MDC1: variants seen among roughly 807,000 people sequenced by gnomAD.
The protein encoded by MDC1 is mediator of DNA damage checkpoint protein 1.
In MDC1, 81 loss-of-function variants were observed where a neutral mutation model predicts 142.5. That is an observed-to-expected ratio of 0.57 (90% CI 0.47 to 0.68). The LOEUF (loss-of-function observed/expected upper bound fraction) is 0.68, where lower values mean the gene tolerates loss of function less well. Among genes scored for constraint, MDC1 ranks in the 30% least tolerant of loss-of-function variants. The probability of loss-of-function intolerance (pLI) is 0.00; values close to 1 mark genes in which losing one functional copy is unlikely to be tolerated. For missense variants in MDC1, 2,119 were observed against 2,547.9 expected (o/e 0.83, Z 3.62); for synonymous variants, 797 against 968.4 (o/e 0.82, Z 3.29).
chr6:30,703,411 C>T lies in MDC1; in HGVS notation c.5682+7G>A, dbSNP rs1463208791. ...CTCCCACAAAGTCCCATGCCTTTGT[C>T]TCTTACTTTGGGGGCTGTTGATTCT... On this transcript the variant is annotated splice_region_variant and intron_variant, in intron 11 of 14. Transcript: ENST00000376406. The surrounding 1 kb of genome is among the most constrained non-coding windows in gnomAD (Gnocchi z 4.4). The T allele has an allele frequency of 6.2e-7, 1 of 1,613,774 alleles. No individual in the cohort carries two copies. Among genetic ancestry groups the T allele is most frequent in the Non-Finnish European group, 8.5e-7 (1 of 1,180,030 alleles).
chr6:30,715,145 C>G lies in MDC1; in HGVS notation c.31G>C (p.Val11Leu). Residue 11 changes from valine (V) to leucine (L), a missense_variant, in exon 2 of 15, where the codon GTT becomes CTT. By Grantham distance (32) the Val-to-Leu change is conservative. Coordinates refer to ENST00000376406, the MANE Select transcript of MDC1 (RefSeq NM_014641.3). This position sits in a 1 kb window ranked among gnomAD's most constrained non-coding sequence, Gnocchi z 4.1. ...TGCTCTGTCTCCTCCTCTTCTTCAA[C>G]ATCCCAGTCAATAGCCTGGGTGTCC... is the stretch of plus-strand genomic sequence containing the variant. MEDTQAIDWDVEEEEETEQSS... is the reference protein window; with the variant it reads MEDTQAIDWDLEEEEETEQSS... The G allele has an allele frequency of 6.2e-7, 1 of 1,614,234 alleles. No homozygotes were observed. Among genetic ancestry groups the G allele is most frequent in the Non-Finnish European group, 8.5e-7 (1 of 1,180,036 alleles).
Position 30,713,460 on chromosome 6 carries a change from C to T in MDC1, c.588-106G>A, listed in dbSNP as rs140711974. On this transcript the variant is annotated intron_variant, in intron 4 of 14. Coordinates refer to ENST00000376406, the MANE Select transcript of MDC1 (RefSeq NM_014641.3). The surrounding 1 kb of genome is among the most constrained non-coding windows in gnomAD (Gnocchi z 4.9). Reference sequence around the variant, plus strand: ...GGAGACACAAGGTAGCATATTTCTTCTTCTGTTTCCAATTTGTTTTCCACT... The same window carrying T: ...GGAGACACAAGGTAGCATATTTCTTTTTCTGTTTCCAATTTGTTTTCCACT... The T allele has an allele frequency of 9.6e-3, 13,053 of 1,353,436 alleles. 95 individuals carry two copies. Among genetic ancestry groups the T allele is most frequent in the Middle Eastern group, 0.032 (121 of 3,728 alleles). 83.8% of individuals were successfully genotyped at this position (1,353,436 alleles called of 1,614,324 possible).
chr6:30,712,987 C>G lies in MDC1; in HGVS notation c.955G>C (p.Glu319Gln), dbSNP rs779809615. The change falls in exon 5 of 15, where the codon GAA becomes CAA. Residue 319 changes from glutamate (E) to glutamine (Q), a missense_variant. Coordinates refer to ENST00000376406, the MANE Select transcript of MDC1 (RefSeq NM_014641.3). The surrounding 1 kb of genome is among the most constrained non-coding windows in gnomAD (Gnocchi z 4.7). ...PPGRPAEVHL[E>Q]RAQPFGFIDS... Reference sequence around the variant, plus strand: ...ATGAAGCCAAAAGGCTGAGCCCTTTCCAAATGGACCTCAGCTGGCCTTCCA... The same window carrying G: ...ATGAAGCCAAAAGGCTGAGCCCTTTGCAAATGGACCTCAGCTGGCCTTCCA... The G allele has an allele frequency of 6.2e-7, 1 of 1,612,946 alleles. No homozygotes were observed. Among genetic ancestry groups the G allele is most frequent in the Non-Finnish European group, 8.5e-7 (1 of 1,179,916 alleles).
rs1775329532 is a variant in MDC1 at position 30,714,172 on chromosome 6, G to A, written c.148C>T (p.His50Tyr). ...CGGCCTACCACATTCTTCCCGAGGT[G>A]TAGTGGGAAATCTAAGAATTAGAGA... Reference protein sequence around the residue: ...AHGPEKDFPLHLGKNVVGRMP... With the variant: ...AHGPEKDFPLYLGKNVVGRMP... Residue 50 changes from histidine to tyrosine, a missense_variant, in exon 3 of 15, where the codon CAC (histidine) becomes TAC (tyrosine). By Grantham distance (83) the His-to-Tyr change is moderately conservative (BLOSUM62 2). Transcript: ENST00000376406. 1 of 1,607,742 alleles carries A rather than the reference G, an allele frequency of 6.2e-7. No homozygotes were observed. The highest frequency in any genetic ancestry group is 8.5e-7 in the Non-Finnish European group (1 of 1,179,338).
chr6:30,700,268 A>G lies in MDC1; in HGVS notation c.*197T>C, dbSNP rs534317758. 8.5e-6 allele frequency: 4 copies of G among 472,262 alleles called. No individual in the cohort carries two copies. The highest frequency in any genetic ancestry group is 1.4e-5 in the Non-Finnish European group (4 of 277,532). The allele number at this position is 472,262 out of a possible 1,614,324, so 29.3% of individuals were successfully genotyped here. A position where few individuals can be genotyped will look rare whatever the true frequency, so the allele number is the denominator to read the frequency against. The stretch of plus-strand genomic sequence containing the variant: ...CAAATAAAATAAAATGGCCATTAAA[A>G]AAACAAACAAACAAACAAAAAACAA... On this transcript the variant is annotated 3_prime_UTR_variant, in exon 15 of 15. Transcript: ENST00000376406.
rs201740735 is a variant in MDC1 at position 30,707,629 on chromosome 6, C to T, written c.2950G>A (p.Val984Ile). 139 of 1,612,978 alleles carry T rather than the reference C, an allele frequency of 8.6e-5. No individual in the cohort carries two copies. The highest frequency in any genetic ancestry group is 1.1e-4 in the Non-Finnish European group (126 of 1,179,968). The change falls in exon 8 of 15, where the codon GTA becomes ATA. Residue 984 changes from valine (V) to isoleucine (I), a missense_variant. Val to Ile is a conservative substitution (Grantham distance 29). Coordinates refer to ENST00000376406, the MANE Select transcript of MDC1 (RefSeq NM_014641.3). ...GDLPGPTSAPVPSGSQSGGRG... is the reference protein window; with the variant it reads ...GDLPGPTSAPIPSGSQSGGRG... ...CCACCTGACTGGCTCCCAGAAGGTA[C>T]GGGGGCTGAGGTAGGTCCCGGAAGG... is the stretch of plus-strand genomic sequence containing the variant.
At chr6:30,714,456 C>T (rs1775377864) in intron 2 of MDC1, among the ~76,000 whole-genome samples, 1 of 151,776 alleles carries the variant, frequency 6.6e-6, no homozygotes, top group African/African-American at 2.4e-5. Context: ...TGCATTCACA[C>T]TGTTGTGCAA....
chr6:30,713,578 G>C lies in MDC1; in HGVS notation c.587+70C>G, dbSNP rs1775233944. 1 of 1,483,158 alleles carries C rather than the reference G, an allele frequency of 6.7e-7. No individual in the cohort carries two copies. Among genetic ancestry groups the C allele is most frequent in the African/African-American group, 1.4e-5 (1 of 71,322 alleles). 91.9% of individuals were successfully genotyped at this position (1,483,158 alleles called of 1,614,324 possible). A position where few individuals can be genotyped will look rare whatever the true frequency, so the allele number is the denominator to read the frequency against. On this transcript the variant is annotated intron_variant, in intron 4 of 14. Transcript: ENST00000376406. The surrounding 1 kb of genome is among the most constrained non-coding windows in gnomAD (Gnocchi z 4.9). ...ACTCTCATGATAATCATCTCTTTTA[G>C]AGATTGATCCTCCAGCCCCTGGTTC...
Position 30,712,476 on chromosome 6 carries a change from T to C in MDC1, c.1466A>G (p.Gln489Arg). Reference protein sequence around the residue: ...ALVRAHSEKDQPPFGDSDDSV... With the variant: ...ALVRAHSEKDRPPFGDSDDSV... ...GTCATCACTGTCCCCAAAAGGAGGT[T>C]GGTCCTTTTCTGAATGTGCTCTAAC... is the stretch of plus-strand genomic sequence containing the variant. The change falls in exon 5 of 15, where the codon CAA (glutamine) becomes CGA (arginine). Residue 489 changes from glutamine (Q) to arginine (R), a missense_variant. By Grantham distance (43) the Gln-to-Arg change is conservative (BLOSUM62 1). Transcript: ENST00000376406. The surrounding 1 kb of genome is among the most constrained non-coding windows in gnomAD (Gnocchi z 4.7). 1 of 1,613,060 alleles carries C rather than the reference T, an allele frequency of 6.2e-7. No individual in the cohort carries two copies. Among genetic ancestry groups the C allele is most frequent in the Non-Finnish European group, 8.5e-7 (1 of 1,180,022 alleles).
Position 30,700,638 on chromosome 6 carries a change from G to A in MDC1, c.6103-6C>T. The stretch of plus-strand genomic sequence containing the variant: ...GTGATCACAACTCTCTGAGGCTGGG[G>A]AAGACAGAGCAAAGGCAAAATCAGG... On this transcript the variant is annotated splice_polypyrimidine_tract_variant and splice_region_variant and intron_variant, in intron 14 of 14. Transcript: ENST00000376406. The A allele has an allele frequency of 6.2e-7, 1 of 1,612,734 alleles. No individual in the cohort carries two copies. Among genetic ancestry groups the A allele is most frequent in the Non-Finnish European group, 8.5e-7 (1 of 1,179,802 alleles).
chr6:30,715,951 C>T lies in MDC1; in HGVS notation c.-3-773G>A, dbSNP rs561314665. Among the ~76,000 whole-genome samples, 2 of 152,232 alleles carry T rather than the reference C, an allele frequency of 1.3e-5. No individual in the cohort carries two copies. The highest frequency in any genetic ancestry group is 2.4e-5 in the African/African-American group (1 of 41,542). On this transcript the variant is annotated intron_variant, in intron 1 of 14. Transcript: ENST00000376406. This position sits in a 1 kb window ranked among gnomAD's most constrained non-coding sequence, Gnocchi z 4.1. Reference sequence around the variant, plus strand: ...GACTTGCCCCAAATCACTCAGATGTCTCTCCTCTAAAATCTTGATGGTTTT... The same window carrying T: ...GACTTGCCCCAAATCACTCAGATGTTTCTCCTCTAAAATCTTGATGGTTTT...
chr6:30,710,643 T>G (rs1243787607), intron 7 of MDC1, among the ~76,000 whole-genome samples: 1 of 152,164 alleles, frequency 6.6e-6, no homozygotes, highest in Non-Finnish European at 1.5e-5. Context: ...GTGATCTGCC[T>G]GCCTTGGCCT....
At position 30,716,677 on chromosome 6, in the gene MDC1, C is replaced by T. The variant is rs191405461; in HGVS notation, c.-4+568G>A. Among the ~76,000 whole-genome samples the T allele has an allele frequency of 2.0e-3, 297 of 152,296 alleles. No homozygotes were observed. Among genetic ancestry groups the T allele is most frequent in the African/African-American group, 6.7e-3 (280 of 41,572 alleles). ...CCATTTCTGCCTTCACACTCACCCA[C>T]CTCCAGGACTGGATTAGGGGAACCG... On this transcript the variant is annotated intron_variant, in intron 1 of 14. Transcript: ENST00000376406. The surrounding 1 kb of genome is among the most constrained non-coding windows in gnomAD (Gnocchi z 4.4).
Position 30,711,975 on chromosome 6 carries a change from C to A in MDC1, c.1967G>T (p.Gly656Val), listed in dbSNP as rs1309321043. 1.3e-6 allele frequency: 2 copies of A among 1,594,328 alleles called. No individual in the cohort carries two copies. The highest frequency in any genetic ancestry group is 3.5e-5 in the Admixed American group (2 of 57,274). ...CTCTCTCTGTGGCTGGGTGGATTCC[C>A]CTAGAGTGTCTGTGTCCACCACCAG... ...TDLVVDTDTL[G>V]ESTQPQREGA... Residue 656 changes from glycine (G) to valine (V), a missense_variant, in exon 5 of 15, where the codon GGG becomes GTG. Transcript: ENST00000376406.
At position 30,707,766 on chromosome 6, in the gene MDC1, G is replaced by A. The variant is rs1427596055; in HGVS notation, c.2813C>T (p.Pro938Leu). Residue 938 changes from proline to leucine, a missense_variant, in exon 8 of 15, where the codon CCC becomes CTC. Transcript: ENST00000376406. ...TGTATCTCTCTCCAGGATCACTTTG[G>A]GCACCTTCTCTTCTAACTCGGCTGG... ...CDPAELEEKV[P>L]KVILERDTQR... 13 of 1,612,892 alleles carry A rather than the reference G, an allele frequency of 8.1e-6. No individual in the cohort carries two copies. The South Asian group carries it at 1.3e-4, about 16-fold the overall frequency.
At chr6:30,708,855 C>CAAAA (rs59939040) in intron 7 of MDC1, among the ~76,000 whole-genome samples, 6 of 55,192 alleles carry the variant, frequency 1.1e-4, no homozygotes, top group African/African-American at 2.9e-4. Context: ...GACTCTGTCT[C>CAAAA]AAAAAAAAAA....
At chr6:30,706,159 A>G in intron 9 of MDC1, 61 bp from the exon 10 acceptor site, 1 of 1,356,674 alleles carries the variant, frequency 7.4e-7, no homozygotes, top group Non-Finnish European at 1.0e-6. Context: ...GAACTTGGAT[A>G]CTGTTCTTGA....
Position 30,700,106 on chromosome 6 carries a change from T to C in MDC1, c.*359A>G, listed in dbSNP as rs1772384305. On this transcript the variant is annotated 3_prime_UTR_variant, in exon 15 of 15. Coordinates refer to ENST00000376406, the MANE Select transcript of MDC1 (RefSeq NM_014641.3). The stretch of plus-strand genomic sequence containing the variant: ...ACCATGAGTGGCATCGAGCAATAAC[T>C]GCAACAGTCTGGCTAAAGATAGCTG... 1 of 247,202 alleles carries C rather than the reference T, an allele frequency of 4.0e-6. No homozygotes were observed. The highest frequency in any genetic ancestry group is 2.2e-5 in the African/African-American group (1 of 45,698). 15.3% of individuals were successfully genotyped at this position (247,202 alleles called of 1,614,324 possible).
At position 30,712,106 on chromosome 6, in the gene MDC1, T is replaced by C. The variant is rs1428516651; in HGVS notation, c.1836A>G (p.Ala612=). ...AEGDAGAEWA[A]AVLKQERAHE... ...GAGCTCTCTCCTGCTTAAGAACAGC[T>C]GCAGCCCACTCTGCCCCAGCATCCC... Residue 612 remains alanine, a synonymous_variant, in exon 5 of 15, where the codon GCA becomes GCG. Coordinates refer to ENST00000376406, the MANE Select transcript of MDC1 (RefSeq NM_014641.3). The surrounding 1 kb of genome is among the most constrained non-coding windows in gnomAD (Gnocchi z 4.7). 2 of 1,604,238 alleles carry C rather than the reference T, an allele frequency of 1.2e-6. No individual in the cohort carries two copies. The highest frequency in any genetic ancestry group is 1.7e-6 in the Non-Finnish European group (2 of 1,175,628).
Sources: gnomAD v4.1 joint callset for allele counts (sites outside exome capture counted in the v4.1 genomes callset) on GRCh38, gnomAD v4.1.1 for gene constraint, Gnocchi (gnomAD v3.1) non-coding constraint, MANE v1.5 for transcripts, NCBI Gene and HGNC (gene_info 2026-07-23, HGNC 2026-07-21) for gene names.